Variants in TNC observed in about 807,000 individuals in gnomAD.
TNC encodes tenascin C.
A neutral mutation model predicts 202.4 loss-of-function variants in TNC; 109 were observed. The ratio of observed to expected loss-of-function variants is 0.54; its 90% CI spans 0.46 to 0.63. TNC has a LOEUF of 0.63. Ranked by LOEUF, TNC falls within the 30% of genes least tolerant of loss-of-function variation. The pLI, the probability that TNC is intolerant of heterozygous loss-of-function variation, is 0.00. For missense variants in TNC, 2,756 were observed against 2,833.3 expected (o/e 0.97, Z 0.62); for synonymous variants, 1,007 against 1,089.7 (o/e 0.92, Z 1.50).
At position 115,035,284 on chromosome 9, in the gene TNC, C is replaced by G. The variant is rs751818291; in HGVS notation, c.5707G>C (p.Ala1903Pro). 1.2e-6 allele frequency: 2 copies of G among 1,613,250 alleles called. No individual in the cohort carries two copies. The highest frequency in any genetic ancestry group is 4.5e-5 in the East Asian group (2 of 44,810). ...LTATEVQSET[A>P]LLTWRPPRAS... ...CGGGGGGGTCGCCAGGTAAGGAGGG[C>G]AGTTTCCGACTGAACCTCAGTAGCA... is the stretch of plus-strand genomic sequence containing the variant. The change falls in exon 22 of 28, where the codon GCC (alanine) becomes CCC (proline). Residue 1903 changes from alanine (A) to proline (P), a missense_variant. This residue lies in a region of TNC where 2,559 missense variants were observed against 2,546.0 expected (regional missense o/e 1.01). Transcript: ENST00000350763.
rs141942975 is a variant in TNC, at chr9:115,041,038, C to T, written c.5295G>A (p.Arg1765=). ...CCACGCCAGGTATGAGTTTCACCAG[C>T]CTGGTCTGAGTCTTGGTTCCGTCCA... The part of the protein sequence containing the change: ...VTVDGTKTQT[R]LVKLIPGVEY... The change falls in exon 19 of 28, where the codon AGG becomes AGA. Residue 1765 remains arginine (R), a synonymous_variant. Transcript: ENST00000350763. 20 of 1,613,968 alleles carry T rather than the reference C, an allele frequency of 1.2e-5. No homozygotes were observed. The African/African-American group carries it at 2.7e-4, about 22-fold the overall frequency.
At chr9:115,064,161 C>T in intron 11 of TNC, 93 bp from the exon 12 acceptor site, 1 of 1,317,656 alleles carries the variant, frequency 7.6e-7, no homozygotes, top group Non-Finnish European at 1.0e-6. Context: ...AATAATATTA[C>T]TGAAAAAATG....
chr9:115,093,440 G>A (rs1835380683), intron 1 of TNC, among the ~76,000 whole-genome samples: 1 of 152,162 alleles, frequency 6.6e-6, no homozygotes, highest in Non-Finnish European at 1.5e-5. Context: ...TAAGGCCACT[G>A]AATGAAGATT....
chr9:115,026,446 A>G, intron 26 of TNC, 88 bp downstream of exon 26: 1 of 1,390,866 alleles, frequency 7.2e-7, no homozygotes, highest in South Asian at 1.3e-5. Context: ...TGGATTAATG[A>G]GGAAGGAATG....
At chr9:115,098,083 A>G (rs149461409) in intron 1 of TNC, among the ~76,000 whole-genome samples, 1 of 152,242 alleles carries the variant, frequency 6.6e-6, no homozygotes, top group East Asian at 1.9e-4. Context: ...GATAAAAACA[A>G]TGGTCCTGAA....
chr9:115,036,559 G>T (rs139167833), intron 20 of TNC, among the ~76,000 whole-genome samples: 2 of 152,096 alleles, frequency 1.3e-5, no homozygotes, highest in South Asian at 4.2e-4. Context: ...GGTAGAGGAC[G>T]GTCGGAGGGG....
chr9:115,037,272 A>C (rs1830402374), intron 20 of TNC, among the ~76,000 whole-genome samples: 1 of 152,136 alleles, frequency 6.6e-6, no homozygotes, highest in Admixed American at 6.5e-5. Flanking sequence ...AAACAATACC[A>C]AACCATAAAA....
At chr9:115,050,945 C>T (rs1831601499) in intron 15 of TNC, among the ~76,000 whole-genome samples, 1 of 152,094 alleles carries the variant, frequency 6.6e-6, no homozygotes, top group African/African-American at 2.4e-5. Flanking sequence ...TTCCAGGACA[C>T]CATGCTGCCT....
intron 2 of TNC, among the ~76,000 whole-genome samples, chr9:115,088,860 TAGAC>T (rs1255713435): frequency 6.6e-6 from 1 of 152,098 alleles, no homozygotes; most frequent in Non-Finnish European, 1.5e-5. Context: ...TATAAAATAA[TAGAC>T]TGAGAAGTAT....
chr9:115,025,296 A>G (rs993243090), intron 26 of TNC, among the ~76,000 whole-genome samples: 1 of 152,220 alleles, frequency 6.6e-6, no homozygotes, highest in African/African-American at 2.4e-5. Context: ...GGATTCAAGA[A>G]CTAAAGCAAT....
intron 15 of TNC, among the ~76,000 whole-genome samples, chr9:115,053,990 C>G (rs1031578265): frequency 2.6e-5 from 4 of 152,168 alleles, no homozygotes; most frequent in African/African-American, 9.7e-5. Context: ...GTTAAGGGGT[C>G]TATATGGCTA....
Position 115,064,896 on chromosome 9 carries a change from G to A in TNC, c.3238C>T (p.Leu1080Phe), listed in dbSNP as rs756599145. ...STEQAPELENLTVTEVGWDGL... is the reference protein window; with the variant it reads ...STEQAPELENFTVTEVGWDGL... ...TCCCAGCCAACCTCAGTCACGGTGA[G>A]GTTTTCCAGCTCAGGGGCTTGTTCT... The change falls in exon 11 of 28, where the codon CTC becomes TTC. Residue 1080 changes from leucine (L) to phenylalanine (F), a missense_variant. Around this residue, in one of 2 missense-constraint regions of TNC, gnomAD observed 2,559 missense variants for 2,546.0 expected, o/e 1.01. Coordinates refer to ENST00000350763, the MANE Select transcript of TNC (RefSeq NM_002160.4). 5 of 1,614,030 alleles carry A rather than the reference G, an allele frequency of 3.1e-6. No homozygotes were observed. The highest frequency in any genetic ancestry group is 1.3e-5 in the African/African-American group (1 of 74,934).
At chr9:115,061,642 A>G (rs192713702) in intron 13 of TNC, among the ~76,000 whole-genome samples, 1 of 152,328 alleles carries the variant, frequency 6.6e-6, no homozygotes, top group East Asian at 1.9e-4. Flanking sequence ...AAGAGCAAGG[A>G]AAACAATTGT....
At chr9:115,088,180 C>T (rs965535771) in intron 2 of TNC, among the ~76,000 whole-genome samples, 11 of 152,172 alleles carry the variant, frequency 7.2e-5, no homozygotes, top group Non-Finnish European at 1.6e-4. Flanking sequence ...GGCCAATAGC[C>T]CACTTCCCTG....
In TNC at chr9:115,063,125, G is replaced by C; in HGVS notation, c.3825C>G (p.Asn1275Lys). The C allele has an allele frequency of 6.2e-7, 1 of 1,614,204 alleles. No individual in the cohort carries two copies. Among genetic ancestry groups the C allele is most frequent in the Non-Finnish European group, 8.5e-7 (1 of 1,180,040 alleles). The change falls in exon 13 of 28, where the codon AAC becomes AAG. Residue 1275 changes from asparagine to lysine, a missense_variant. This residue lies in a region of TNC where 2,559 missense variants were observed against 2,546.0 expected (regional missense o/e 1.01). Transcript: ENST00000350763. ...TEVSWDALRL[N>K]WTTPDGTYDQ... is the part of the protein sequence containing the mutation. ...CATAGGTTCCATCTGGCGTGGTCCA[G>C]TTCAGTCTGAGAGCATCCCAGCTAA...
chr9:115,028,497 A>G (rs1306497998), intron 25 of TNC, among the ~76,000 whole-genome samples: 2 of 152,170 alleles, frequency 1.3e-5, no homozygotes, highest in African/African-American at 4.8e-5. Context: ...GGAGGATTCT[A>G]TGACTGGTCC....
At chr9:115,084,156 A>G in intron 4 of TNC, 53 bp downstream of exon 4, 1 of 1,587,174 alleles carries the variant, frequency 6.3e-7, no homozygotes, top group South Asian at 1.2e-5. Flanking sequence ...AGGGTTATAC[A>G]CTGGGTGGGC....
At chr9:115,060,547 A>C (rs768592769) in intron 13 of TNC, among the ~76,000 whole-genome samples, 3 of 152,252 alleles carry the variant, frequency 2.0e-5, no homozygotes, top group Non-Finnish European at 2.9e-5. Context: ...TACCTGATAC[A>C]TGGCGAGTGC....
At chr9:115,029,228 A>G (rs1207160502) in intron 25 of TNC, 132 bp downstream of exon 25, 3 of 729,308 alleles carry the variant, frequency 4.1e-6, no homozygotes, top group Non-Finnish European at 7.1e-6. Context: ...AGAATTTGAC[A>G]TTCTGTGTCT....
Sources: gnomAD v4.1 joint callset for allele counts (sites outside exome capture counted in the v4.1 genomes callset) on GRCh38, gnomAD v4.1.1 for gene constraint, gnomAD v4.1.1 regional missense constraint, MANE v1.5 for transcripts, NCBI Gene and HGNC (gene_info 2026-07-23, HGNC 2026-07-21) for gene names.